The following SLC9A9 variants were observed in gnomAD, a reference collection of about 807,000 sequenced individuals.
SLC9A9 encodes the protein sodium/hydrogen exchanger 9.
SLC9A9 carries 62 observed loss-of-function variants against 77.8 expected under a neutral mutation model. The observed-to-expected ratio is 0.80, with a 90% CI of 0.65 to 0.98. The LOEUF is 0.98. SLC9A9 is among the 50% of genes least tolerant of loss of function. The pLI is 0.00. For missense variants in SLC9A9, 775 were observed against 774.9 expected (o/e 1.00, Z 0.00); for synonymous variants, 320 against 283.5 (o/e 1.13, Z -1.29).
intron 8 of SLC9A9, among the ~76,000 whole-genome samples, chr3:143,559,137 C>A (rs1221322324): frequency 2.0e-5 from 3 of 152,192 alleles, no homozygotes; most frequent in Non-Finnish European, 4.4e-5. Context: ...GAGGCCTCCC[C>A]AGCCATGTGG....
At chr3:143,516,062 C>A (rs2036197697) in intron 9 of SLC9A9, among the ~76,000 whole-genome samples, 2 of 152,268 alleles carry the variant, frequency 1.3e-5, no homozygotes, top group Admixed American at 1.3e-4. Context: ...TGAAAGATTG[C>A]AGGGCTATTT....
At chr3:143,787,609 T>C (rs1214345893) in intron 4 of SLC9A9, among the ~76,000 whole-genome samples, 1 of 152,210 alleles carries the variant, frequency 6.6e-6, no homozygotes, top group African/African-American at 2.4e-5. Flanking sequence ...AATTTATCCA[T>C]GTCATCATAG....
chr3:143,398,212 T>A (rs140562163), intron 12 of SLC9A9, among the ~76,000 whole-genome samples: 175 of 152,338 alleles, frequency 1.1e-3, no homozygotes, highest in African/African-American at 3.0e-3. Flanking sequence ...TAACTGCCAA[T>A]GCCTAGACTT....
chr3:143,658,474 A>G (rs1241375075), intron 5 of SLC9A9, among the ~76,000 whole-genome samples: 1 of 152,220 alleles, frequency 6.6e-6, no homozygotes. Flanking sequence ...GTATACATGT[A>G]GGGGATTTCT....
intron 12 of SLC9A9, among the ~76,000 whole-genome samples, chr3:143,395,286 A>G (rs1454476535): frequency 2.6e-5 from 4 of 152,182 alleles, no homozygotes; most frequent in African/African-American, 9.7e-5. Flanking sequence ...GCCCTCAGAA[A>G]TAAACCACAC....
chr3:143,271,917 A>G (rs1578252449), intron 14 of SLC9A9, among the ~76,000 whole-genome samples: 2 of 152,106 alleles, frequency 1.3e-5, no homozygotes, highest in Admixed American at 1.3e-4. Context: ...AGTGCTTGCT[A>G]TATATTATGT....
intron 8 of SLC9A9, among the ~76,000 whole-genome samples, chr3:143,553,366 G>A (rs1325967576): frequency 6.6e-6 from 1 of 152,148 alleles, no homozygotes; most frequent in East Asian, 1.9e-4. Flanking sequence ...CTCAATTGTG[G>A]GAAATTGGGC....
intron 14 of SLC9A9, among the ~76,000 whole-genome samples, chr3:143,311,608 C>G (rs113545019): frequency 1.3e-5 from 2 of 152,106 alleles, no homozygotes; most frequent in African/African-American, 4.8e-5. Flanking sequence ...GAATTAGGAC[C>G]AGGTACAGTT....
At chr3:143,770,819 G>A (rs1004728472) in intron 4 of SLC9A9, among the ~76,000 whole-genome samples, 7 of 152,084 alleles carry the variant, frequency 4.6e-5, no homozygotes, top group African/African-American at 1.7e-4. Flanking sequence ...GACGTAAGAT[G>A]AGCTCCTGCA....
intron 6 of SLC9A9, among the ~76,000 whole-genome samples, chr3:143,647,947 T>C (rs2038731533): frequency 6.6e-6 from 1 of 152,212 alleles, no homozygotes; most frequent in South Asian, 2.1e-4. Context: ...TCCTGGATCA[T>C]AAAATGCCAT....
Position 143,266,211 on chromosome 3 carries a change from G to A in SLC9A9, c.*491C>T. The A allele has an allele frequency of 1.5e-6, 1 of 653,386 alleles. No individual in the cohort carries two copies. Among genetic ancestry groups the A allele is most frequent in the Non-Finnish European group, 2.8e-6 (1 of 362,920 alleles). 40.5% of individuals were successfully genotyped at this position (653,386 alleles called of 1,614,324 possible). A position where few individuals can be genotyped will look rare whatever the true frequency, so the allele number is the denominator to read the frequency against. On this transcript the variant is annotated 3_prime_UTR_variant, in exon 16 of 16. Coordinates refer to ENST00000316549, the MANE Select transcript of SLC9A9 (RefSeq NM_173653.4). ...GCCCTGGGGTCACTGAGAGCAAATG[G>A]GAGTCAAGTCCTCAAAATAAGAAAC... is the stretch of plus-strand genomic sequence containing the variant.
chr3:143,751,781 G>A lies in SLC9A9; in HGVS notation c.533+43220C>T, dbSNP rs114723812. Among the ~76,000 whole-genome samples the A allele has an allele frequency of 2.5e-3, 377 of 152,314 alleles. 4 individuals carry two copies. The highest frequency in any genetic ancestry group is 8.8e-3 in the African/African-American group (365 of 41,548). On this transcript the variant is annotated intron_variant, in intron 4 of 15. Transcript: ENST00000316549. ...GATCGGGCAGACATGGCATCAACAG[G>A]CAAATGCTGAAAGGAAGTGAAAGAA...
At chr3:143,718,092 GAAA>G (rs142744329) in intron 4 of SLC9A9, among the ~76,000 whole-genome samples, 1 of 146,402 alleles carries the variant, frequency 6.8e-6, no homozygotes, top group African/African-American at 2.5e-5. Context: ...AGTTAAACAG[GAAA>G]AAAAAAAAAG....
At chr3:143,548,797 C>T (rs888116609) in intron 9 of SLC9A9, among the ~76,000 whole-genome samples, 3 of 152,166 alleles carry the variant, frequency 2.0e-5, no homozygotes, top group Non-Finnish European at 4.4e-5. Flanking sequence ...TTTAAAAAGG[C>T]ACTCTAATTC....
At chr3:143,301,644 C>G (rs562960289) in intron 14 of SLC9A9, among the ~76,000 whole-genome samples, 1 of 152,210 alleles carries the variant, frequency 6.6e-6, no homozygotes, top group African/African-American at 2.4e-5. Context: ...ACCTGGGGAT[C>G]TAGTGGAGCC....
intron 6 of SLC9A9, among the ~76,000 whole-genome samples, chr3:143,606,436 C>CTCTATATATATATATATA (rs1419410834): frequency 5.0e-4 from 27 of 54,212 alleles, no homozygotes; most frequent in East Asian, 2.9e-3. Context: ...CTCTCTCTCT[C>CTCTATATATATATATATA]TATATATATA....
rs545043540 is a variant in SLC9A9 at position 143,754,456 on chromosome 3, T to C, written c.533+40545A>G. On this transcript the variant is annotated intron_variant, in intron 4 of 15. Coordinates refer to ENST00000316549, the MANE Select transcript of SLC9A9 (RefSeq NM_173653.4). ...CGATTATTTTGCCAGGAGAGTGTTT[T>C]CTTGTATGTGAAAGGTTTCAGAGAT... 9.4e-4 allele frequency among the ~76,000 whole-genome samples: 143 copies of C among 152,332 alleles called. 1 individual carries two copies. Among genetic ancestry groups the C allele is most frequent in the Middle Eastern group, 3.4e-3 (1 of 294 alleles).
intron 12 of SLC9A9, among the ~76,000 whole-genome samples, chr3:143,425,300 C>T (rs1175890141): frequency 1.7e-5 from 2 of 120,338 alleles, no homozygotes; most frequent in African/African-American, 6.3e-5. Context: ...GTATAATCAT[C>T]GTATCAGGAC....
intron 11 of SLC9A9, among the ~76,000 whole-genome samples, chr3:143,492,322 A>C (rs2035763007): frequency 1.3e-5 from 2 of 148,768 alleles, no homozygotes; most frequent in African/African-American, 5.0e-5. Flanking sequence ...ATCACCTACC[A>C]CTCCAACTTC....
Sources: allele counts gnomAD v4.1 joint callset (sites outside exome capture counted in the v4.1 genomes callset), GRCh38; gene constraint gnomAD v4.1.1; transcripts MANE v1.5; gene names NCBI Gene and HGNC (gene_info 2026-07-23, HGNC 2026-07-21).